BCL11A: variants seen among roughly 807,000 people sequenced by gnomAD.
The protein encoded by BCL11A is BCL11 transcription factor A, also known as B cell CLL/lymphoma 11A.
In BCL11A, 2 loss-of-function variants were observed where a neutral mutation model predicts 55.9. The ratio of observed to expected loss-of-function variants is 0.04; its 90% CI spans 0.01 to 0.11. The LOEUF is 0.11. Ranked by LOEUF, BCL11A falls within the 10% of genes least tolerant of loss-of-function variation. BCL11A has a pLI of 1.00. For missense variants in BCL11A, 817 were observed against 1,137.1 expected (o/e 0.72, Z 4.05); for synonymous variants, 465 against 473.4 (o/e 0.98, Z 0.23).
At chr2:60,477,868 T>C (rs1677710753) in intron 2 of BCL11A, among the ~76,000 whole-genome samples, 1 of 149,568 alleles carries the variant, frequency 6.7e-6, no homozygotes, top group South Asian at 2.1e-4. Context: ...CTGTCAGGCC[T>C]CCCCCAAGGC....
intron 2 of BCL11A, chr2:60,537,797 T>C (rs1043437843): frequency 6.6e-6 from 1 of 152,200 alleles, no homozygotes; most frequent in African/African-American, 2.4e-5. Flanking sequence ...AAAAAGCAAA[T>C]AGAAAGGCGA....
At chr2:60,475,587 A>G (rs932122575) in intron 2 of BCL11A, among the ~76,000 whole-genome samples, 1 of 152,174 alleles carries the variant, frequency 6.6e-6, no homozygotes, top group Non-Finnish European at 1.5e-5. Flanking sequence ...ATTTTCCTAC[A>G]CTACTTTGTC....
intron 2 of BCL11A, among the ~76,000 whole-genome samples, chr2:60,471,676 T>C (rs947086046): frequency 6.6e-6 from 1 of 152,188 alleles, no homozygotes; most frequent in Non-Finnish European, 1.5e-5. Context: ...TTCGCTTTCA[T>C]TCTCCCCAGC....
At chr2:60,534,643 A>T (rs1306517600) in intron 2 of BCL11A, 1 of 152,272 alleles carries the variant, frequency 6.6e-6, no homozygotes, top group Non-Finnish European at 1.5e-5. Context: ...ACTTAACGTT[A>T]AAAGAAAACG....
At chr2:60,451,072 C>A (rs566807357), downstream of BCL11A, 3 of 178,730 alleles carry the variant, frequency 1.7e-5, no homozygotes, top group East Asian at 2.8e-4. Flanking sequence ...TCAATCTCCA[C>A]CTCCATAAAG....
At chr2:60,541,910 T>G in intron 2 of BCL11A, 1 of 710,406 alleles carries the variant, frequency 1.4e-6, no homozygotes, top group Non-Finnish European at 2.6e-6. Context: ...AAATACATCC[T>G]CCAGTTCAGT....
At chr2:60,496,921 T>C (rs1220376366) in intron 2 of BCL11A, among the ~76,000 whole-genome samples, 1 of 152,206 alleles carries the variant, frequency 6.6e-6, no homozygotes, top group African/African-American at 2.4e-5. Context: ...CATTTCCCCA[T>C]GGACAGTCAT....
intron 1 of BCL11A, among the ~76,000 whole-genome samples, chr2:60,551,773 TGGGCGCC>T (rs1030500245): frequency 4.0e-5 from 6 of 150,664 alleles, no homozygotes; most frequent in Admixed American, 1.3e-4. Flanking sequence ...GCCTGGCGGG[TGGGCGCC>T]GGGCGCCGGG....
Position 60,461,920 on chromosome 2 carries a change from A to G in BCL11A, c.992T>C (p.Leu331Pro), listed in dbSNP as rs1042148852. ...ELAGNTSSPP[L>P]SPGRPSPMQR... ...CATAGGGCTGGGCCGGCCTGGGGAC[A>G]GCGGTGGGCTAGACGTGTTCCCTGC... Residue 331 changes from leucine (L) to proline (P), a missense_variant, in exon 4 of 4, where the codon CTG becomes CCG. This residue lies in a region of BCL11A where 363 missense variants were observed against 486.6 expected (regional missense o/e 0.75). Transcript: ENST00000642384. 1 of 1,614,154 alleles carries G rather than the reference A, an allele frequency of 6.2e-7. No homozygotes were observed. Among genetic ancestry groups the G allele is most frequent in the African/African-American group, 1.3e-5 (1 of 75,052 alleles).
intron 2 of BCL11A, among the ~76,000 whole-genome samples, chr2:60,516,038 T>C (rs2104519510): frequency 6.6e-6 from 1 of 152,322 alleles, no homozygotes; most frequent in Non-Finnish European, 1.5e-5. Context: ...ACTTCAATTA[T>C]GTCTTCATTG....
chr2:60,452,821 G>A, downstream of BCL11A: 2 of 597,044 alleles, frequency 3.3e-6, no homozygotes, highest in Non-Finnish European at 5.9e-6. Context: ...TTCAAACTCA[G>A]CCTCCCCTCC....
chr2:60,467,905 A>AGTGGTG (rs1676913390), intron 3 of BCL11A, among the ~76,000 whole-genome samples: 2 of 4,530 alleles, frequency 4.4e-4, no homozygotes, highest in Admixed American at 3.8e-3. Context: ...TGGTGGTGGT[A>AGTGGTG]ATGGTGGTGG....
intron 2 of BCL11A, chr2:60,527,100 G>A (rs953052444): frequency 1.3e-5 from 2 of 152,098 alleles, no homozygotes; most frequent in Non-Finnish European, 2.9e-5. Flanking sequence ...CCAGGCACTT[G>A]GCCTGAAGGG....
intron 2 of BCL11A, chr2:60,527,685 C>G (rs1417376750): frequency 6.6e-6 from 1 of 152,222 alleles, no homozygotes; most frequent in Non-Finnish European, 1.5e-5. Context: ...CCGATACTCG[C>G]CAGTGCTGAG....
downstream of BCL11A, among the ~76,000 whole-genome samples, chr2:60,456,273 G>C (rs1054380230): frequency 6.6e-6 from 1 of 152,158 alleles, no homozygotes; most frequent in Non-Finnish European, 1.5e-5. Context: ...TCTACACTGG[G>C]AACAGGGACA....
chr2:60,480,612 C>T (rs1677895055), intron 2 of BCL11A, among the ~76,000 whole-genome samples: 1 of 152,186 alleles, frequency 6.6e-6, no homozygotes, highest in Non-Finnish European at 1.5e-5. Flanking sequence ...TGGTCCATCG[C>T]TTCACTGTAC....
At chr2:60,509,816 C>CTACT (rs1679883462) in intron 2 of BCL11A, among the ~76,000 whole-genome samples, 1 of 152,128 alleles carries the variant, frequency 6.6e-6, no homozygotes, top group Non-Finnish European at 1.5e-5. Flanking sequence ...CTGAACAGGG[C>CTACT]AGTAGTCTAG....
intron 2 of BCL11A, among the ~76,000 whole-genome samples, chr2:60,485,229 C>A (rs1678203964): frequency 1.3e-5 from 2 of 152,188 alleles, no homozygotes. Flanking sequence ...CTTGGAGTTA[C>A]TGGCTTATGA....
chr2:60,496,951 T>C (rs1896295), intron 2 of BCL11A, among the ~76,000 whole-genome samples: 122,263 of 151,736 alleles, frequency 0.81, 49,538 homozygotes, highest in South Asian at 0.86. Flanking sequence ...GTGAACACAA[T>C]GTAGCACTTA....
Sources: gnomAD v4.1 joint callset for allele counts (sites outside exome capture counted in the v4.1 genomes callset) on GRCh38, gnomAD v4.1.1 for gene constraint, gnomAD v4.1.1 regional missense constraint, MANE v1.5 for transcripts, NCBI Gene and HGNC (gene_info 2026-07-23, HGNC 2026-07-21) for gene names.